ENTPD1: variants seen among roughly 807,000 people sequenced by gnomAD.
ENTPD1 encodes the protein ATP diphosphohydrolase.
ENTPD1 carries 33 observed loss-of-function variants against 57.0 expected under a neutral mutation model. The observed-to-expected ratio is 0.58, with a 90% CI of 0.44 to 0.77. The LOEUF (loss-of-function observed/expected upper bound fraction) is 0.77, where lower values mean the gene tolerates loss of function less well. ENTPD1 is among the 30% of genes least tolerant of loss of function. The pLI is 0.00. For missense variants in ENTPD1, 501 were observed against 603.4 expected (o/e 0.83, Z 1.78); for synonymous variants, 202 against 218.8 (o/e 0.92, Z 0.68).
intron 1 of ENTPD1, among the ~76,000 whole-genome samples, chr10:95,736,001 G>GTTTTTTTT (rs35402062): frequency 7.4e-6 from 1 of 134,304 alleles, no homozygotes; most frequent in Non-Finnish European, 1.6e-5. Flanking sequence ...CATTTTCAAA[G>GTTTTTTTT]TTTTTTTTTT....
At chr10:95,861,567 G>C (rs2098465392) in intron 8 of ENTPD1, 1 of 152,188 alleles carries the variant, frequency 6.6e-6, no homozygotes, top group Non-Finnish European at 1.5e-5. Context: ...ATTTTGTCTA[G>C]AACATGAAAG....
intron 1 of ENTPD1, among the ~76,000 whole-genome samples, chr10:95,768,225 A>G (rs1386898997): frequency 6.6e-6 from 1 of 152,266 alleles, no homozygotes; most frequent in Non-Finnish European, 1.5e-5. Context: ...AACTTTCACA[A>G]TAAGATAACT....
chr10:95,806,048 G>A (rs1003447352), intron 1 of ENTPD1, among the ~76,000 whole-genome samples: 1 of 152,276 alleles, frequency 6.6e-6, no homozygotes, highest in East Asian at 1.9e-4. Flanking sequence ...GCCTTGCTAG[G>A]TTGGGGAAGT....
At chr10:95,700,226 G>A in the ENTPD1 span, among the ~76,000 whole-genome samples, 1 of 152,142 alleles carries the variant, frequency 6.6e-6, no homozygotes, top group East Asian at 1.9e-4. Context: ...TAACTTTTTT[G>A]TTTAAAATTT....
At chr10:95,699,902 C>T in the ENTPD1 span, among the ~76,000 whole-genome samples, 8 of 152,108 alleles carry the variant, frequency 5.3e-5, no homozygotes, top group Non-Finnish European at 1.0e-4. Flanking sequence ...GAGACAGCTG[C>T]CTTCCAGCAG....
chr10:95,774,033 G>A (rs1007307267), intron 1 of ENTPD1, among the ~76,000 whole-genome samples: 18 of 152,260 alleles, frequency 1.2e-4, no homozygotes, highest in African/African-American at 4.3e-4. Context: ...ATTCTAACTG[G>A]TGTGAGATGG....
Position 95,869,854 on chromosome 10 carries a change from A to G in ENTPD1, c.*3471A>G, listed in dbSNP as rs1278564595. On this transcript the variant is annotated 3_prime_UTR_variant, in exon 10 of 10. Coordinates refer to ENST00000371205, the MANE Select transcript of ENTPD1 (RefSeq NM_001776.6). ...AATATTTTTCTCATACTAAATTTTC[A>G]AAATATTTTGTGTCTATTACATTTA... is the stretch of plus-strand genomic sequence containing the variant. The G allele has an allele frequency of 1.3e-6, 1 of 774,632 alleles. No homozygotes were observed. Among genetic ancestry groups the G allele is most frequent in the East Asian group, 1.3e-4 (1 of 7,830 alleles). The allele number at this position is 774,632 out of a possible 1,614,324, so 48.0% of individuals were successfully genotyped here. A position where few individuals can be genotyped will look rare whatever the true frequency, so the allele number is the denominator to read the frequency against.
At chr10:95,766,414 A>G (rs951226091) in intron 1 of ENTPD1, among the ~76,000 whole-genome samples, 3 of 152,172 alleles carry the variant, frequency 2.0e-5, no homozygotes, top group African/African-American at 7.2e-5. Flanking sequence ...GCTCAATACT[A>G]TATTCCTCAT....
chr10:95,786,844 G>A (rs1300338084), intron 1 of ENTPD1, among the ~76,000 whole-genome samples: 2 of 152,164 alleles, frequency 1.3e-5, no homozygotes, highest in African/African-American at 4.8e-5. Context: ...ATTACAAATG[G>A]AGTTGTGGCC....
intron 1 of ENTPD1, among the ~76,000 whole-genome samples, chr10:95,743,910 G>A (rs994208371): frequency 4.0e-5 from 6 of 149,388 alleles, no homozygotes; most frequent in African/African-American, 1.2e-4. Context: ...AAAATCTGGG[G>A]GTTAGATGTG....
At chr10:95,710,120 A>T (rs1420379546), upstream of ENTPD1, among the ~76,000 whole-genome samples, 1 of 151,588 alleles carries the variant, frequency 6.6e-6, no homozygotes, top group African/African-American at 2.4e-5. Flanking sequence ...AATAACCATG[A>T]TAGGCCAGGC....
chr10:95,705,910 C>T, the ENTPD1 span, among the ~76,000 whole-genome samples: 767 of 152,142 alleles, frequency 5.0e-3, 4 homozygotes, highest in Middle Eastern at 0.02. Context: ...CCAGCCTGGG[C>T]GATGTAGTGA....
At chr10:95,861,248 C>G (rs890107878) in intron 8 of ENTPD1, 1 of 152,816 alleles carries the variant, frequency 6.5e-6, no homozygotes, top group African/African-American at 2.4e-5. Context: ...CTCCATTTCC[C>G]AGGTCCAAGA....
chr10:95,705,276 A>AGTGTGTGTGT, the ENTPD1 span, among the ~76,000 whole-genome samples: 1 of 42,606 alleles, frequency 2.3e-5, no homozygotes, highest in Non-Finnish European at 6.5e-5. Flanking sequence ...CCCAGTAGAA[A>AGTGTGTGTGT]ATGTGTGTGT....
At chr10:95,786,124 C>T (rs2140227195) in intron 1 of ENTPD1, among the ~76,000 whole-genome samples, 1 of 152,278 alleles carries the variant, frequency 6.6e-6, no homozygotes. Flanking sequence ...TCCTCCCACC[C>T]TGCTACCCAG....
At chr10:95,723,373 C>G (rs560571404) in intron 1 of ENTPD1, among the ~76,000 whole-genome samples, 1 of 152,060 alleles carries the variant, frequency 6.6e-6, no homozygotes, top group East Asian at 1.9e-4. Flanking sequence ...GGGGCCCTGG[C>G]AAGGGTGGTG....
the ENTPD1 span, among the ~76,000 whole-genome samples, chr10:95,704,321 C>G: frequency 6.6e-6 from 1 of 151,866 alleles, no homozygotes; most frequent in Non-Finnish European, 1.5e-5. Context: ...TTCAAAAGGT[C>G]AAAAATACCA....
chr10:95,755,969 C>T, upstream of ENTPD1: 1 of 1,463,134 alleles, frequency 6.8e-7, no homozygotes, highest in South Asian at 1.5e-5. Flanking sequence ...TTCAAGGATG[C>T]AAAAAATTAC....
chr10:95,785,170 T>C (rs1446913327), intron 1 of ENTPD1: 1 of 152,216 alleles, frequency 6.6e-6, no homozygotes, highest in African/African-American at 2.4e-5. Context: ...CCCGTTGCAG[T>C]GTCTGGGCAA....
Sources: gnomAD v4.1 joint callset for allele counts (sites outside exome capture counted in the v4.1 genomes callset) on GRCh38, gnomAD v4.1.1 for gene constraint, MANE v1.5 for transcripts, NCBI Gene and HGNC (gene_info 2026-07-23, HGNC 2026-07-21) for gene names.